The following SLC9A3 variants were observed in gnomAD, a reference collection of about 807,000 sequenced individuals.
SLC9A3 encodes the protein solute carrier family 9 member A3.
SLC9A3 carries 37 observed loss-of-function variants against 86.8 expected under a neutral mutation model. The observed-to-expected ratio is 0.43, with a 90% CI of 0.33 to 0.56. SLC9A3 has a LOEUF of 0.56. Among genes scored for constraint, SLC9A3 ranks in the 20% least tolerant of loss-of-function variants. The probability of loss-of-function intolerance (pLI) is 0.06; values close to 1 mark genes in which losing one functional copy is unlikely to be tolerated. For missense variants in SLC9A3, 1,011 were observed against 1,171.9 expected, an observed-to-expected ratio of 0.86 and a Z score of 2.00; for synonymous variants, 581 against 528.3, an observed-to-expected ratio of 1.10 and a Z score of -1.37.
At chr5:513,758 A>G (rs2126653378) in intron 1 of SLC9A3, among the ~76,000 whole-genome samples, 1 of 152,312 alleles carries the variant, frequency 6.6e-6, no homozygotes, top group African/African-American at 2.4e-5. Context: ...GTGATGGTAC[A>G]CAGTAAGAAT....
rs1244804337 is a variant in SLC9A3 at position 476,048 on chromosome 5, A to G, written c.2112T>C (p.Pro704=). 3.1e-6 allele frequency: 5 copies of G among 1,613,114 alleles called. No homozygotes were observed. Among genetic ancestry groups the G allele is most frequent in the Non-Finnish European group, 2.5e-6 (3 of 1,179,790 alleles). ...IPNGKLPMES[P]AQNFTIKEKD... ...TCTCCTTGATGGTGAAATTCTGCGC[A>G]GGGCTCTCCATGGGCAGCTTCCCAT... Residue 704 remains proline (P), a synonymous_variant, in exon 14 of 17, where the codon CCT becomes CCC. Coordinates refer to ENST00000264938, the MANE Select transcript of SLC9A3 (RefSeq NM_004174.4).
At chr5:503,487 T>C (rs1740401617) in intron 1 of SLC9A3, among the ~76,000 whole-genome samples, 1 of 152,178 alleles carries the variant, frequency 6.6e-6, no homozygotes, top group Admixed American at 6.5e-5. Flanking sequence ...TGCACCCCAG[T>C]CTGGGTGACA....
At chr5:498,300 G>T (rs1364025328) in intron 1 of SLC9A3, among the ~76,000 whole-genome samples, 1 of 152,128 alleles carries the variant, frequency 6.6e-6, no homozygotes, top group African/African-American at 2.4e-5. Context: ...CATTTCCGTG[G>T]TGTGAGGTAC....
At chr5:518,932 G>C (rs897240643) in intron 1 of SLC9A3, among the ~76,000 whole-genome samples, 2 of 152,256 alleles carry the variant, frequency 1.3e-5, no homozygotes, top group Admixed American at 1.3e-4. Context: ...GAGCCCTGGT[G>C]GTTCCTTCCC....
At chr5:520,299 G>C (rs536521944) in intron 1 of SLC9A3, among the ~76,000 whole-genome samples, 1 of 152,128 alleles carries the variant, frequency 6.6e-6, no homozygotes, top group Non-Finnish European at 1.5e-5. Context: ...GCCCCTCCCC[G>C]GTTTCCGACA....
intron 1 of SLC9A3, among the ~76,000 whole-genome samples, chr5:509,724 C>G (rs979123511): frequency 6.6e-6 from 1 of 152,090 alleles, no homozygotes; most frequent in African/African-American, 2.4e-5. Context: ...CAAAGCATGT[C>G]AGGGAGTGAG....
Position 485,201 on chromosome 5 carries a change from C to A in SLC9A3, c.706G>T (p.Ala236Ser), listed in dbSNP as rs764441494. 1 of 1,613,960 alleles carries A rather than the reference C, an allele frequency of 6.2e-7. No homozygotes were observed. Among genetic ancestry groups the A allele is most frequent in the South Asian group, 1.1e-5 (1 of 91,084 alleles). ...CCAGTCACGTTGTCACCTCCCAGCG[C>A]CACGAAAGATTCAAACACATTGTAC... ...VLYNVFESFV[A>S]LGGDNVTGVD... Residue 236 changes from alanine to serine, a missense_variant, in exon 4 of 17, where the codon GCG (alanine) becomes TCG (serine). Transcript: ENST00000264938.
chr5:477,317 A>G lies in SLC9A3; in HGVS notation c.1760+15T>C. Reference sequence around the variant, plus strand: ...GGCTCTTCCCCAGGGAAGCTGCATGACCATGGCCACATACAGGAGGTAGGA... The same window carrying G: ...GGCTCTTCCCCAGGGAAGCTGCATGGCCATGGCCACATACAGGAGGTAGGA... On this transcript the variant is annotated intron_variant, in intron 11 of 16. Transcript: ENST00000264938. The G allele has an allele frequency of 1.9e-6, 3 of 1,561,438 alleles. No individual in the cohort carries two copies. Among genetic ancestry groups the G allele is most frequent in the Non-Finnish European group, 2.6e-6 (3 of 1,138,176 alleles).
intron 7 of SLC9A3, 136 bp from the exon 8 acceptor site, chr5:482,293 G>T: frequency 1.4e-6 from 1 of 718,076 alleles, no homozygotes; most frequent in Non-Finnish European, 2.4e-6. Context: ...CCAGCAACCC[G>T]CGCCCCTGCT....
At chr5:509,675 G>T (rs1579819806) in intron 1 of SLC9A3, among the ~76,000 whole-genome samples, 1 of 152,266 alleles carries the variant, frequency 6.6e-6, no homozygotes, top group East Asian at 1.9e-4. Flanking sequence ...TCAGTGAACT[G>T]CCAGGGACCT....
In SLC9A3 at chr5:471,578, A is replaced by C; in HGVS notation, c.*1801T>G. 2.8e-6 allele frequency: 1 copy of C among 357,632 alleles called. No individual in the cohort carries two copies. Among genetic ancestry groups the C allele is most frequent in the Non-Finnish European group, 5.5e-6 (1 of 181,254 alleles). 22.2% of individuals were successfully genotyped at this position (357,632 alleles called of 1,614,324 possible). A position where few individuals can be genotyped will look rare whatever the true frequency, so the allele number is the denominator to read the frequency against. On this transcript the variant is annotated 3_prime_UTR_variant, in exon 17 of 17. Coordinates refer to ENST00000264938, the MANE Select transcript of SLC9A3 (RefSeq NM_004174.4). ...CGATGAACGTCAGGACGGTGGCTGCAGCAGGGAACCAGGGCTGGCCTTGGA... is the reference window on the plus strand; with the variant it reads ...CGATGAACGTCAGGACGGTGGCTGCCGCAGGGAACCAGGGCTGGCCTTGGA...
At chr5:501,722 G>A (rs1008912239) in intron 1 of SLC9A3, among the ~76,000 whole-genome samples, 4 of 152,214 alleles carry the variant, frequency 2.6e-5, no homozygotes, top group African/African-American at 4.8e-5. Flanking sequence ...CACTTTACCC[G>A]CCTGTGGGGC....
At position 502,662 on chromosome 5, in the gene SLC9A3, T is replaced by G. The variant is rs1169085284; in HGVS notation, c.212-10591A>C. Among the ~76,000 whole-genome samples the G allele has an allele frequency of 4.6e-5, 7 of 152,196 alleles. No individual in the cohort carries two copies. In the East Asian group the frequency reaches 9.6e-4, roughly 21 times the overall value. On this transcript the variant is annotated intron_variant, in intron 1 of 16. Transcript: ENST00000264938. ...AGAAAAGAAACGTTCTCATAACCACTTAAAAAGGACAAGCCGCAGCGGTGG... is the reference window on the plus strand; with the variant it reads ...AGAAAAGAAACGTTCTCATAACCACGTAAAAAGGACAAGCCGCAGCGGTGG...
chr5:498,301 T>C (rs946994343), intron 1 of SLC9A3, among the ~76,000 whole-genome samples: 66 of 152,242 alleles, frequency 4.3e-4, no homozygotes, highest in African/African-American at 1.5e-3. Flanking sequence ...ATTTCCGTGG[T>C]GTGAGGTACG....
rs916820352 is a variant in SLC9A3, at chr5:473,327, CGGACCGTGG to C, written c.*43_*51del. On this transcript the variant is annotated 3_prime_UTR_variant, in exon 17 of 17. Coordinates refer to ENST00000264938, the MANE Select transcript of SLC9A3 (RefSeq NM_004174.4). ...CTGGGACAGCGGCGGCGGCGGTGGG[CGGACCGTGG>C]CGCGGGGACGAGCGGCCGGTTAGCG... The C allele has an allele frequency of 2.9e-6, 4 of 1,400,472 alleles. No homozygotes were observed. In the African/African-American group the frequency reaches 6.0e-5, roughly 21 times the overall value. 86.8% of individuals were successfully genotyped at this position (1,400,472 alleles called of 1,614,324 possible). A position where few individuals can be genotyped will look rare whatever the true frequency, so the allele number is the denominator to read the frequency against.
At position 491,881 on chromosome 5, in the gene SLC9A3, G is replaced by A; in HGVS notation, c.402C>T (p.Arg134=). The A allele has an allele frequency of 6.2e-7, 1 of 1,610,924 alleles. No homozygotes were observed. The highest frequency in any genetic ancestry group is 8.5e-7 in the Non-Finnish European group (1 of 1,179,122). ...VLDAGYFMPN[R]LFFGNLGTIL... is the part of the protein sequence containing the mutation. ...TGGTCCCCAGGTTGCCGAAGAAGAG[G>A]CGGTTGGGCATGAAGTAGCCGGCGT... The change falls in exon 2 of 17, where the codon CGC becomes CGT. Residue 134 remains arginine (R), a synonymous_variant. Coordinates refer to ENST00000264938, the MANE Select transcript of SLC9A3 (RefSeq NM_004174.4). The surrounding 1 kb of genome is among the most constrained non-coding windows in gnomAD (Gnocchi z 9.2).
At chr5:508,374 G>C (rs939810148) in intron 1 of SLC9A3, among the ~76,000 whole-genome samples, 9 of 136,124 alleles carry the variant, frequency 6.6e-5, no homozygotes, top group African/African-American at 2.6e-4. Context: ...CCCGGGGATG[G>C]AGATGCCGCA....
At chr5:490,714 T>G (rs1296412820) in intron 2 of SLC9A3, among the ~76,000 whole-genome samples, 1 of 152,204 alleles carries the variant, frequency 6.6e-6, no homozygotes, top group East Asian at 1.9e-4. Flanking sequence ...CCCCTGAGGC[T>G]TTCCCTTGGG....
chr5:493,941 G>C (rs1276577132), intron 1 of SLC9A3, among the ~76,000 whole-genome samples: 1 of 152,242 alleles, frequency 6.6e-6, no homozygotes, highest in Admixed American at 6.5e-5. Context: ...AACCAGGGGA[G>C]GGCATGGCCT....
Sources: gnomAD v4.1 joint callset for allele counts (sites outside exome capture counted in the v4.1 genomes callset) on GRCh38, gnomAD v4.1.1 for gene constraint, Gnocchi (gnomAD v3.1) non-coding constraint, MANE v1.5 for transcripts, NCBI Gene and HGNC (gene_info 2026-07-23, HGNC 2026-07-21) for gene names.